Variants in RAB11FIP4 observed in about 807,000 individuals in gnomAD.
The protein encoded by RAB11FIP4 is RAB11 family interacting protein 4.
RAB11FIP4 carries 23 observed loss-of-function variants against 74.3 expected under a neutral mutation model. That is an observed-to-expected ratio of 0.31 (90% CI 0.22 to 0.44). The LOEUF (loss-of-function observed/expected upper bound fraction) is 0.44, where lower values mean the gene tolerates loss of function less well. RAB11FIP4 is among the 20% of genes least tolerant of loss of function. The probability of loss-of-function intolerance (pLI) is 1.00; values close to 1 mark genes in which losing one functional copy is unlikely to be tolerated. For synonymous variants in RAB11FIP4, 360 were observed against 359.9 expected (o/e 1.00, Z 0.00); for missense variants, 630 against 863.9 (o/e 0.73, Z 3.39).
chr17:31,451,685 C>T (rs2142703896), intron 3 of RAB11FIP4, among the ~76,000 whole-genome samples: 1 of 152,232 alleles, frequency 6.6e-6, no homozygotes, highest in East Asian at 1.9e-4. Context: ...CTGCACAGGG[C>T]CTTTGCCTGG....
chr17:31,484,766 G>C (rs1294235300), intron 3 of RAB11FIP4, among the ~76,000 whole-genome samples: 1 of 152,118 alleles, frequency 6.6e-6, no homozygotes, highest in Non-Finnish European at 1.5e-5. Context: ...TTGCCATAAT[G>C]ATCATTAGTA....
chr17:31,521,383 C>T (rs755241809), intron 5 of RAB11FIP4, 23 bp downstream of exon 5: 15 of 1,567,414 alleles, frequency 9.6e-6, no homozygotes, highest in Admixed American at 1.8e-5. Flanking sequence ...TCTGGGATGT[C>T]ATTTGGGGTC....
chr17:31,398,183 C>T (rs1397905435), intron 1 of RAB11FIP4, among the ~76,000 whole-genome samples: 1 of 152,120 alleles, frequency 6.6e-6, no homozygotes, highest in Non-Finnish European at 1.5e-5. Flanking sequence ...GGATTACAGC[C>T]ATGTGCCACC....
At position 31,528,402 on chromosome 17, in the gene RAB11FIP4, C is replaced by T; in HGVS notation, c.1357-4C>T. On this transcript the variant is annotated splice_polypyrimidine_tract_variant and splice_region_variant and intron_variant, in intron 11 of 14. Transcript: ENST00000621161. ...CCTCCCCTGATCGGGTCTCCCTGCT[C>T]CAGGAGCGGCAGCGCATGTCTGACC... 4 of 1,611,832 alleles carry T rather than the reference C, an allele frequency of 2.5e-6. No individual in the cohort carries two copies. Among genetic ancestry groups the T allele is most frequent in the Non-Finnish European group, 3.4e-6 (4 of 1,179,674 alleles).
At chr17:31,509,353 C>A (rs2142789613) in intron 3 of RAB11FIP4, 1 of 152,376 alleles carries the variant, frequency 6.6e-6, no homozygotes, top group East Asian at 1.9e-4. Context: ...GTCTGCAGGC[C>A]CACCTTAGGA....
Position 31,391,972 on chromosome 17 carries a change from C to A in RAB11FIP4, c.120C>A (p.Arg40=). 2.9e-6 allele frequency: 4 copies of A among 1,367,580 alleles called. No homozygotes were observed. The highest frequency in any genetic ancestry group is 1.7e-5 in the South Asian group (1 of 59,272). 84.7% of individuals were successfully genotyped at this position (1,367,580 alleles called of 1,614,324 possible). A position where few individuals can be genotyped will look rare whatever the true frequency, so the allele number is the denominator to read the frequency against. The change falls in exon 1 of 15, where the codon CGC becomes CGA. Residue 40 remains arginine, a synonymous_variant. Coordinates refer to ENST00000621161, the MANE Select transcript of RAB11FIP4 (RefSeq NM_032932.6). ...CCGACGGCTTCCTGCGCGTGGAGCG[C>A]GTCGCGGCGCTCGGACTGCGCTTCG... is the stretch of plus-strand genomic sequence containing the variant. ...RDPDGFLRVE[R]VAALGLRFGQ... is the part of the protein sequence containing the mutation.
Position 31,534,330 on chromosome 17 carries a change from T to A in RAB11FIP4, c.*2598T>A, listed in dbSNP as rs1044701722. 1 of 152,236 alleles carries A rather than the reference T, an allele frequency of 6.6e-6. No homozygotes were observed. Among genetic ancestry groups the A allele is most frequent in the African/African-American group, 2.4e-5 (1 of 41,442 alleles). 9.4% of individuals were successfully genotyped at this position (152,236 alleles called of 1,614,324 possible). On this transcript the variant is annotated 3_prime_UTR_variant, in exon 15 of 15. Coordinates refer to ENST00000621161, the MANE Select transcript of RAB11FIP4 (RefSeq NM_032932.6). ...TTGCCCAGGCTGGAGTGTAGTGGTA[T>A]GATCATAGCTCACCACAACCTTGAA...
intron 3 of RAB11FIP4, among the ~76,000 whole-genome samples, chr17:31,478,061 C>T (rs999722780): frequency 1.4e-5 from 2 of 144,964 alleles, no homozygotes; most frequent in African/African-American, 5.2e-5. Context: ...GGCTAGATCT[C>T]GGCTCACTGC....
At chr17:31,469,502 C>A (rs918324395) in intron 3 of RAB11FIP4, among the ~76,000 whole-genome samples, 4 of 151,926 alleles carry the variant, frequency 2.6e-5, no homozygotes, top group Admixed American at 6.6e-5. Context: ...TGGTGTGTGC[C>A]TGTAGTCCCA....
Position 31,537,499 on chromosome 17 carries a change from A to G in RAB11FIP4, c.*5767A>G, listed in dbSNP as rs2072985634. The G allele has an allele frequency of 3.2e-6, 1 of 309,138 alleles. No homozygotes were observed. Among genetic ancestry groups the G allele is most frequent in the East Asian group, 5.0e-5 (1 of 20,160 alleles). 19.1% of individuals were successfully genotyped at this position (309,138 alleles called of 1,614,324 possible). A position where few individuals can be genotyped will look rare whatever the true frequency, so the allele number is the denominator to read the frequency against. On this transcript the variant is annotated 3_prime_UTR_variant, in exon 15 of 15. Coordinates refer to ENST00000621161, the MANE Select transcript of RAB11FIP4 (RefSeq NM_032932.6). The stretch of plus-strand genomic sequence containing the variant: ...GCTTCTCCCACAGAGCTTTCCCTGC[A>G]TTGTTAGTGATGTCGGGCAAAGCAT...
intron 8 of RAB11FIP4, 127 bp downstream of exon 8, chr17:31,523,738 C>T: frequency 9.2e-7 from 1 of 1,083,610 alleles, no homozygotes; most frequent in Non-Finnish European, 1.4e-6. Context: ...GGGCAGGTGG[C>T]CCTGGTCACG....
At position 31,531,655 on chromosome 17, in the gene RAB11FIP4, C is replaced by T; in HGVS notation, c.1837C>T (p.Arg613Trp). 2.5e-6 allele frequency: 4 copies of T among 1,614,046 alleles called. No individual in the cohort carries two copies. The highest frequency in any genetic ancestry group is 2.5e-6 in the Non-Finnish European group (3 of 1,179,922). The change falls in exon 15 of 15, where the codon CGG (arginine) becomes TGG (tryptophan). Residue 613 changes from arginine to tryptophan, a missense_variant. Coordinates refer to ENST00000621161, the MANE Select transcript of RAB11FIP4 (RefSeq NM_032932.6). The stretch of plus-strand genomic sequence containing the variant: ...GAAGGAGCAGGAGGAGATCAACTTC[C>T]GGCTGAGGCAGTACATGGACAAGAT... The part of the protein sequence containing the change: ...ALKEQEEINF[R>W]LRQYMDKIIL...
chr17:31,408,329 T>C (rs1404553987), intron 1 of RAB11FIP4, among the ~76,000 whole-genome samples: 1 of 152,246 alleles, frequency 6.6e-6, no homozygotes, highest in African/African-American at 2.4e-5. Context: ...TAGAGAGTGC[T>C]GCCATCTTTA....
At chr17:31,469,805 T>C (rs1241485824) in intron 3 of RAB11FIP4, among the ~76,000 whole-genome samples, 2 of 152,162 alleles carry the variant, frequency 1.3e-5, no homozygotes, top group Non-Finnish European at 2.9e-5. Context: ...TCTGGCATGG[T>C]GACATTAATT....
intron 3 of RAB11FIP4, among the ~76,000 whole-genome samples, chr17:31,495,012 T>C (rs1567675993): frequency 6.6e-6 from 1 of 152,156 alleles, no homozygotes; most frequent in Non-Finnish European, 1.5e-5. Context: ...CCTCCACACC[T>C]CGGCCCACCT....
In RAB11FIP4 at chr17:31,524,608, G is replaced by A. The variant is rs558515909; in HGVS notation, c.1134-482G>A. On this transcript the variant is annotated intron_variant, in intron 9 of 14. Transcript: ENST00000621161. Reference sequence around the variant, plus strand: ...TTGCCAGTGAGACGTATCCCAGACCGAAATACCAACCAGGCTGTCACTGGG... The same window carrying A: ...TTGCCAGTGAGACGTATCCCAGACCAAAATACCAACCAGGCTGTCACTGGG... The A allele has an allele frequency of 3.8e-5, 7 of 181,862 alleles. No individual in the cohort carries two copies. The South Asian group carries it at 7.3e-4, about 19-fold the overall frequency. The allele number at this position is 181,862 out of a possible 1,614,324, so 11.3% of individuals were successfully genotyped here.
chr17:31,453,372 A>AC (rs1193536268), intron 3 of RAB11FIP4, among the ~76,000 whole-genome samples: 3 of 142,768 alleles, frequency 2.1e-5, no homozygotes, highest in Non-Finnish European at 4.4e-5. Context: ...AAAAAAAAAA[A>AC]AAAAAAAACA....
At chr17:31,496,444 G>A (rs948943752) in intron 3 of RAB11FIP4, among the ~76,000 whole-genome samples, 7 of 152,172 alleles carry the variant, frequency 4.6e-5, no homozygotes, top group African/African-American at 1.7e-4. Context: ...GCTGGGAGTG[G>A]GTCACTGGCC....
chr17:31,527,086 CAG>C (rs1300407689), intron 10 of RAB11FIP4: 3 of 152,214 alleles, frequency 2.0e-5, no homozygotes, highest in African/African-American at 7.2e-5. Flanking sequence ...AGTGAGCGCT[CAG>C]AGAAGAGCCC....
Sources: allele counts gnomAD v4.1 joint callset (sites outside exome capture counted in the v4.1 genomes callset), GRCh38; gene constraint gnomAD v4.1.1; transcripts MANE v1.5; gene names NCBI Gene and HGNC (gene_info 2026-07-23, HGNC 2026-07-21).